The following VPS13B variants were observed in gnomAD, a reference collection of about 807,000 sequenced individuals.
VPS13B encodes the protein intermembrane lipid transfer protein VPS13B.
In VPS13B, 285 loss-of-function variants were observed where a neutral mutation model predicts 426.4. The ratio of observed to expected loss-of-function variants is 0.67; its 90% CI spans 0.61 to 0.74. VPS13B has a LOEUF of 0.74. VPS13B is among the 30% of genes least tolerant of loss of function. VPS13B has a pLI of 0.00. For synonymous variants in VPS13B, 1,676 were observed against 1,676.4 expected, an observed-to-expected ratio of 1.00 and a Z score of 0.01; for missense variants, 4,537 against 4,782.6, an observed-to-expected ratio of 0.95 and a Z score of 1.51.
chr8:99,436,975 G>A lies in VPS13B; in HGVS notation c.3210+5311G>A, dbSNP rs183606235. ...AGGGTGGTCTCCATCTCCTGACCTCGTGATCCACCCGCCTCGGCCTCCTAA... is the reference window on the plus strand; with the variant it reads ...AGGGTGGTCTCCATCTCCTGACCTCATGATCCACCCGCCTCGGCCTCCTAA... On this transcript the variant is annotated intron_variant, in intron 22 of 61. Coordinates refer to ENST00000357162, the MANE Select transcript of VPS13B (RefSeq NM_152564.5). 4.6e-3 allele frequency among the ~76,000 whole-genome samples: 698 copies of A among 152,062 alleles called. 5 individuals carry two copies. Among genetic ancestry groups the A allele is most frequent in the African/African-American group, 0.016 (657 of 41,472 alleles).
At chr8:99,507,926 T>C in intron 28 of VPS13B, 2 of 1,613,990 alleles carry the variant, frequency 1.2e-6, no homozygotes, top group Non-Finnish European at 8.5e-7. Context: ...GAAATTACTT[T>C]AAATTATGCT....
intron 36 of VPS13B, among the ~76,000 whole-genome samples, chr8:99,716,192 A>G (rs1363852564): frequency 1.3e-5 from 2 of 152,184 alleles, no homozygotes; most frequent in Non-Finnish European, 2.9e-5. Flanking sequence ...TGAATATCTT[A>G]TTTCTGCAGT....
intron 31 of VPS13B, among the ~76,000 whole-genome samples, chr8:99,567,838 C>T (rs1238696327): frequency 2.0e-5 from 3 of 152,134 alleles, no homozygotes; most frequent in Non-Finnish European, 2.9e-5. Context: ...CAGCACCTAG[C>T]AAAGGACCTG....
At chr8:99,329,915 G>A (rs1170230187) in intron 19 of VPS13B, among the ~76,000 whole-genome samples, 2 of 151,888 alleles carry the variant, frequency 1.3e-5, no homozygotes, top group East Asian at 1.9e-4. Context: ...TACATTGTTG[G>A]ATATTCTGTA....
chr8:99,167,095 A>G (rs764524608), intron 15 of VPS13B, among the ~76,000 whole-genome samples: 2 of 152,094 alleles, frequency 1.3e-5, no homozygotes, highest in Non-Finnish European at 2.9e-5. Flanking sequence ...GATGTCCCTA[A>G]TCCTTTTGGA....
chr8:99,742,088 A>AAAG (rs1227143842), intron 39 of VPS13B, among the ~76,000 whole-genome samples: 1 of 152,242 alleles, frequency 6.6e-6, no homozygotes, highest in Non-Finnish European at 1.5e-5. Context: ...CAAGACTAAT[A>AAAG]AAGAAGAAAA....
intron 39 of VPS13B, among the ~76,000 whole-genome samples, chr8:99,749,247 A>G (rs1810271501): frequency 6.6e-6 from 1 of 151,930 alleles, no homozygotes; most frequent in Non-Finnish European, 1.5e-5. Flanking sequence ...AAACATTCCA[A>G]TTATATTATT....
intron 42 of VPS13B, among the ~76,000 whole-genome samples, chr8:99,782,459 GTAAAATAGGAGAACC>G (rs1812068676): frequency 2.0e-5 from 3 of 151,944 alleles, no homozygotes; most frequent in Admixed American, 2.0e-4. Context: ...TTATGTAAGC[GTAAAATAGGAGAACC>G]TACCTTGACC....
intron 17 of VPS13B, among the ~76,000 whole-genome samples, chr8:99,267,027 A>G (rs879602037): frequency 1.8e-4 from 27 of 152,168 alleles, no homozygotes; most frequent in Non-Finnish European, 3.5e-4. Flanking sequence ...AGAGATTGGA[A>G]AAGTTTAGAG....
chr8:99,875,633 GA>G lies in VPS13B; in HGVS notation c.11966del (p.Asn3989IlefsTer4). On this transcript the variant is annotated frameshift_variant, in exon 62 of 62. Transcript: ENST00000357162. LOFTEE classifies it high-confidence loss of function. ...QVFLSKFTMVKNKALRKGFP is the reference protein window; with the variant it reads ...QVFLSKFTMVXNKALRKGFP ...TCTTCCTTAGTAAATTTACCATGGTGAAAAATAAAGCCCTGAGGAAAGGGTT... is the reference window on the plus strand; with the variant it reads ...TCTTCCTTAGTAAATTTACCATGGTGAAAATAAAGCCCTGAGGAAAGGGTT... The G allele has an allele frequency of 1.2e-6, 2 of 1,614,166 alleles. No homozygotes were observed. The highest frequency in any genetic ancestry group is 1.1e-5 in the South Asian group (1 of 91,082).
intron 17 of VPS13B, among the ~76,000 whole-genome samples, chr8:99,240,064 TACTA>T (rs1274476777): frequency 6.6e-6 from 1 of 152,166 alleles, no homozygotes; most frequent in East Asian, 1.9e-4. Context: ...GTTTCTTGAT[TACTA>T]ACTCTTTGAC....
Position 99,104,884 on chromosome 8 carries a change from C to A in VPS13B, c.580+1764C>A, listed in dbSNP as rs147933153. Among the ~76,000 whole-genome samples the A allele has an allele frequency of 3.9e-4, 60 of 152,286 alleles. 1 individual carries two copies. Among genetic ancestry groups the A allele is most frequent in the Middle Eastern group, 3.4e-3 (1 of 294 alleles). The stretch of plus-strand genomic sequence containing the variant: ...AAGTGATCCACCCACCTTGGCCTCC[C>A]AAAGTGTTGGGATTACAGGTGTGAG... On this transcript the variant is annotated intron_variant, in intron 5 of 61. Coordinates refer to ENST00000357162, the MANE Select transcript of VPS13B (RefSeq NM_152564.5).
chr8:99,866,690 C>T (rs927362131), intron 58 of VPS13B, among the ~76,000 whole-genome samples: 1 of 152,250 alleles, frequency 6.6e-6, no homozygotes, highest in African/African-American at 2.4e-5. Flanking sequence ...CGCAGCTGGC[C>T]CAGGCCCCAC....
chr8:99,457,090 G>GCTGGA (rs1818507382), intron 23 of VPS13B, among the ~76,000 whole-genome samples: 1 of 150,012 alleles, frequency 6.7e-6, no homozygotes, highest in Non-Finnish European at 1.5e-5. Flanking sequence ...GGAGTGCAGT[G>GCTGGA]GTGTGATTTC....
intron 19 of VPS13B, among the ~76,000 whole-genome samples, chr8:99,351,831 G>C (rs1451393367): frequency 6.6e-6 from 1 of 152,098 alleles, no homozygotes; most frequent in Non-Finnish European, 1.5e-5. Context: ...TATGAGTTCT[G>C]TTAGGATGGA....
At position 99,577,484 on chromosome 8, in the gene VPS13B, C is replaced by T. The variant is rs760501737; in HGVS notation, c.5077-6C>T. On this transcript the variant is annotated splice_polypyrimidine_tract_variant and splice_region_variant and intron_variant, in intron 32 of 61. Coordinates refer to ENST00000357162, the MANE Select transcript of VPS13B (RefSeq NM_152564.5). Reference sequence around the variant, plus strand: ...CTTTATCTGTATTCTACCGTTTTTGCTTCAGGAGATTTTAGTGTGTGGCCA... The same window carrying T: ...CTTTATCTGTATTCTACCGTTTTTGTTTCAGGAGATTTTAGTGTGTGGCCA... 2 of 1,613,646 alleles carry T rather than the reference C, an allele frequency of 1.2e-6. No homozygotes were observed. The highest frequency in any genetic ancestry group is 2.2e-5 in the South Asian group (2 of 91,072).
At chr8:99,584,381 TG>T (rs1826211237) in intron 33 of VPS13B, among the ~76,000 whole-genome samples, 1 of 152,200 alleles carries the variant, frequency 6.6e-6, no homozygotes, top group Non-Finnish European at 1.5e-5. Flanking sequence ...TCAGCCCCCA[TG>T]ATGTTTATCC....
Position 99,720,546 on chromosome 8 carries a change from G to A in VPS13B, c.6859G>A (p.Asp2287Asn). ...LRTGLFQYVQ[D>N]AESLKLPGVY... is the part of the protein sequence containing the mutation. Reference sequence around the variant, plus strand: ...GACAGGTCTATTTCAGTATGTACAGGATGCTGGTAAGTAGCAACAGACTCA... The same window carrying A: ...GACAGGTCTATTTCAGTATGTACAGAATGCTGGTAAGTAGCAACAGACTCA... Residue 2287 changes from aspartate (D) to asparagine (N), a missense_variant, in exon 38 of 62, where the codon GAT (aspartate) becomes AAT (asparagine). Around this residue, in one of 2 missense-constraint regions of VPS13B, gnomAD observed 4,311 missense variants for 4,474.3 expected, o/e 0.96. Coordinates refer to ENST00000357162, the MANE Select transcript of VPS13B (RefSeq NM_152564.5). 2 of 1,613,882 alleles carry A rather than the reference G, an allele frequency of 1.2e-6. No homozygotes were observed. The highest frequency in any genetic ancestry group is 2.2e-5 in the East Asian group (1 of 44,840).
chr8:99,056,641 T>C (rs1210807092), intron 3 of VPS13B, among the ~76,000 whole-genome samples: 3 of 152,214 alleles, frequency 2.0e-5, no homozygotes, highest in African/African-American at 7.2e-5. Context: ...CTATTGGATA[T>C]GATGTTAGGT....
Sources: gnomAD v4.1 joint callset for allele counts (sites outside exome capture counted in the v4.1 genomes callset) on GRCh38, gnomAD v4.1.1 for gene constraint, gnomAD v4.1.1 regional missense constraint, MANE v1.5 for transcripts, NCBI Gene and HGNC (gene_info 2026-07-23, HGNC 2026-07-21) for gene names.